DDB2: variants seen among roughly 807,000 people sequenced by gnomAD.
DDB2 encodes damage specific DNA binding protein 2.
A neutral mutation model predicts 50.5 loss-of-function variants in DDB2; 27 were observed. The observed-to-expected ratio is 0.53, with a 90% CI of 0.39 to 0.74. The LOEUF (loss-of-function observed/expected upper bound fraction) is 0.74. Among genes scored for constraint, DDB2 ranks in the 30% least tolerant of loss-of-function variants. DDB2 has a pLI of 0.00. For synonymous variants in DDB2, 176 were observed against 205.5 expected, an observed-to-expected ratio of 0.86 and a Z score of 1.23; for missense variants, 424 against 545.6, an observed-to-expected ratio of 0.78 and a Z score of 2.22.
chr11:47,226,956 C>T (rs1053896647), intron 3 of DDB2, among the ~76,000 whole-genome samples: 3 of 151,338 alleles, frequency 2.0e-5, no homozygotes, highest in African/African-American at 7.3e-5. Context: ...AAAGGACTTA[C>T]TAAGTTAAAA....
At chr11:47,234,255 C>T (rs959234314) in intron 4 of DDB2, among the ~76,000 whole-genome samples, 3 of 151,674 alleles carry the variant, frequency 2.0e-5, no homozygotes, top group Non-Finnish European at 2.9e-5. Flanking sequence ...GCTCAGAACC[C>T]GGGGTGTGGG....
chr11:47,229,657 C>G, intron 3 of DDB2: 1 of 281,092 alleles, frequency 3.6e-6, no homozygotes, highest in South Asian at 3.2e-5. Context: ...CGAATCAACT[C>G]TGTGGTGTTG....
In DDB2 at chr11:47,234,621, C is replaced by T. The variant is rs1234969885; in HGVS notation, c.651C>T (p.Val217=). Reference sequence around the variant, plus strand: ...TGTCTGCTAGTAGCCGAATGGTGGTCACAGGAGACAACGTGGGGAACGTGA... The same window carrying T: ...TGTCTGCTAGTAGCCGAATGGTGGTTACAGGAGACAACGTGGGGAACGTGA... ...LDVSASSRMV[V]TGDNVGNVIL... The change falls in exon 5 of 10, where the codon GTC becomes GTT. Residue 217 remains valine, a synonymous_variant. Coordinates refer to ENST00000256996, the MANE Select transcript of DDB2 (RefSeq NM_000107.3). 1 of 1,613,954 alleles carries T rather than the reference C, an allele frequency of 6.2e-7. No homozygotes were observed. The highest frequency in any genetic ancestry group is 1.3e-5 in the African/African-American group (1 of 74,888).
chr11:47,238,184 G>T lies in DDB2; in HGVS notation c.1234+1G>T. ...GGGGACACGCTGGCCTCTGCAATGG[G>T]TGAGTAGGAGGAGAATGTCTCTGAC... On this transcript the variant is annotated splice_donor_variant, in intron 9 of 9. Transcript: ENST00000256996. LOFTEE classifies it high-confidence loss of function. 1 of 1,609,214 alleles carries T rather than the reference G, an allele frequency of 6.2e-7. No individual in the cohort carries two copies. The highest frequency in any genetic ancestry group is 8.5e-7 in the Non-Finnish European group (1 of 1,177,520).
At position 47,216,462 on chromosome 11, in the gene DDB2, C is replaced by G. The variant is rs770922074; in HGVS notation, c.254C>G (p.Ser85Cys). The G allele has an allele frequency of 1.1e-4, 172 of 1,613,280 alleles. No individual in the cohort carries two copies. Among genetic ancestry groups the G allele is most frequent in the Non-Finnish European group, 1.4e-4 (167 of 1,180,044 alleles). Residue 85 changes from serine (S) to cysteine (C), a missense_variant, in exon 2 of 10, where the codon TCT becomes TGT. Physicochemically the swap from Ser to Cys is moderately radical, Grantham distance 112. Transcript: ENST00000256996. The part of the protein sequence containing the change: ...QHKLGRASWP[S>C]VQQGLQQSFL... ...AAGCTGGGCAGAGCTTCCTGGCCAT[C>G]TGTCCAGCAGGTAAGGCATTTTTTG...
At chr11:47,220,764 A>T (rs1953472949) in intron 3 of DDB2, 3 of 152,368 alleles carry the variant, frequency 2.0e-5, no homozygotes, top group Middle Eastern at 3.4e-3. Context: ...TTCTTTAGTC[A>T]TCTGACCTTG....
intron 9 of DDB2, 113 bp from the exon 10 acceptor site, chr11:47,238,687 C>T (rs529808081): frequency 2.0e-5 from 24 of 1,186,542 alleles, no homozygotes; most frequent in Admixed American, 1.3e-4. Context: ...CTTGAGCCAC[C>T]GCGCCCGGCC....
chr11:47,219,650 C>T (rs1953453618), intron 3 of DDB2, among the ~76,000 whole-genome samples: 1 of 152,184 alleles, frequency 6.6e-6, no homozygotes, highest in African/African-American at 2.4e-5. Flanking sequence ...TGTGCTGGGC[C>T]TCTAGAACGT....
intron 3 of DDB2, among the ~76,000 whole-genome samples, chr11:47,226,276 TTC>T: frequency 7.0e-6 from 1 of 142,474 alleles, no homozygotes; most frequent in Non-Finnish European, 1.6e-5. Flanking sequence ...AACATTTATT[TTC>T]TTTTTTTTTT....
intron 3 of DDB2, among the ~76,000 whole-genome samples, chr11:47,225,437 A>G (rs1349236336): frequency 6.6e-6 from 1 of 151,730 alleles, no homozygotes; most frequent in Non-Finnish European, 1.5e-5. Context: ...CTAAAAACAC[A>G]AAAAATTAGC....
rs1953702337 is a variant in DDB2, at chr11:47,234,914, A to G, written c.860A>G (p.His287Arg). Residue 287 changes from histidine (H) to arginine (R), a missense_variant, in exon 6 of 10, where the codon CAC becomes CGC. Physicochemically the swap from His to Arg is conservative, Grantham distance 29. Transcript: ENST00000256996. Reference sequence around the variant, plus strand: ...GCCAGCTTCCTCTACTCGCTGCCGCACAGGCATCCTGTCAACGCAGGTGTG... The same window carrying G: ...GCCAGCTTCCTCTACTCGCTGCCGCGCAGGCATCCTGTCAACGCAGGTGTG... ...GKASFLYSLP[H>R]RHPVNAACFS... The G allele has an allele frequency of 3.7e-6, 6 of 1,614,098 alleles. No homozygotes were observed. Among genetic ancestry groups the G allele is most frequent in the Non-Finnish European group, 5.1e-6 (6 of 1,180,042 alleles).
In DDB2 at chr11:47,216,345, G is replaced by C. The variant is rs1188341043; in HGVS notation, c.137G>C (p.Arg46Thr). ...CTGTTCTGCTTGGCAGGTCCTAGCA[G>C]AAGATGTGACTCAGACTGCCTCTGG... ...KLCAKGSGPS[R>T]RCDSDCLWVG... The change falls in exon 2 of 10, where the codon AGA becomes ACA. Residue 46 changes from arginine (R) to threonine (T), a missense_variant. Arg to Thr is a moderately conservative substitution (Grantham distance 71). Transcript: ENST00000256996. The C allele has an allele frequency of 6.2e-7, 1 of 1,614,150 alleles. No homozygotes were observed. Among genetic ancestry groups the C allele is most frequent in the African/African-American group, 1.3e-5 (1 of 75,052 alleles).
At chr11:47,216,230 G>A in intron 1 of DDB2, 106 bp from the exon 2 acceptor site, 1 of 1,550,622 alleles carries the variant, frequency 6.4e-7, no homozygotes, top group Non-Finnish European at 8.9e-7. Flanking sequence ...GAGGTGATGA[G>A]ACAGAGATTA....
intron 3 of DDB2, among the ~76,000 whole-genome samples, chr11:47,231,608 C>T (rs1318174803): frequency 1.3e-5 from 2 of 152,158 alleles, no homozygotes; most frequent in Non-Finnish European, 2.9e-5. Flanking sequence ...ACTGCAGCCT[C>T]GACCTCCAGG....
intron 3 of DDB2, among the ~76,000 whole-genome samples, chr11:47,231,176 G>A (rs1397611180): frequency 1.4e-5 from 2 of 144,894 alleles, no homozygotes; most frequent in African/African-American, 2.5e-5. Flanking sequence ...AAAAACCAGC[G>A]CCTAGTACAT....
chr11:47,227,495 T>C (rs1368849740), intron 3 of DDB2, among the ~76,000 whole-genome samples: 2 of 151,910 alleles, frequency 1.3e-5, no homozygotes, highest in Non-Finnish European at 2.9e-5. Flanking sequence ...TTGTTTCTTT[T>C]GATGCCTGAA....
At chr11:47,223,738 G>T (rs1649658975) in intron 3 of DDB2, among the ~76,000 whole-genome samples, 1 of 152,076 alleles carries the variant, frequency 6.6e-6, no homozygotes, top group Non-Finnish European at 1.5e-5. Context: ...GCCGAGATCG[G>T]CCACTTCACT....
At position 47,216,366 on chromosome 11, in the gene DDB2, T is replaced by C. The variant is rs772355051; in HGVS notation, c.158T>C (p.Leu53Pro). ...GPSRRCDSDCLWVGLAGPQIL... is the reference protein window; with the variant it reads ...GPSRRCDSDCPWVGLAGPQIL... ...AGCAGAAGATGTGACTCAGACTGCC[T>C]CTGGGTGGGGCTGGCTGGCCCACAG... The change falls in exon 2 of 10, where the codon CTC becomes CCC. Residue 53 changes from leucine (L) to proline (P), a missense_variant. Transcript: ENST00000256996. 14 of 1,614,046 alleles carry C rather than the reference T, an allele frequency of 8.7e-6. No individual in the cohort carries two copies. The highest frequency in any genetic ancestry group is 1.0e-5 in the Non-Finnish European group (12 of 1,180,040).
chr11:47,215,626 G>C (rs1293519809), intron 1 of DDB2: 1 of 359,810 alleles, frequency 2.8e-6, no homozygotes, highest in Non-Finnish European at 5.4e-6. Flanking sequence ...GGTCAGTTGT[G>C]AGAGCCCCCA....
Sources: gnomAD v4.1 joint callset for allele counts (sites outside exome capture counted in the v4.1 genomes callset) on GRCh38, gnomAD v4.1.1 for gene constraint, MANE v1.5 for transcripts, NCBI Gene and HGNC (gene_info 2026-07-23, HGNC 2026-07-21) for gene names.